OR6C3: variants seen among roughly 807,000 people sequenced by gnomAD.
The protein encoded by OR6C3 is olfactory receptor 6C3.
For synonymous variants in OR6C3, 177 were observed against 137.4 expected (o/e 1.29, Z -2.02); for missense variants, 487 against 364.6 (o/e 1.34, Z -2.73).
Position 55,332,168 on chromosome 12 carries a change from C to T in OR6C3, c.468C>T (p.Pro156=), listed in dbSNP as rs1250211491. Residue 156 remains proline (P), a synonymous_variant, in exon 2 of 2, where the codon CCC becomes CCT. Coordinates refer to ENST00000641740, the MANE Select transcript of OR6C3 (RefSeq NM_001388498.1). The part of the protein sequence containing the change: ...WLSGFLTIFP[P]LMLLLQLDYC... ...GTGGGTTTCTGACCATTTTCCCACC[C>T]CTTATGCTTCTCCTCCAGCTGGATT... 1.2e-6 allele frequency: 2 copies of T among 1,614,086 alleles called. No individual in the cohort carries two copies. Among genetic ancestry groups the T allele is most frequent in the Admixed American group, 1.7e-5 (1 of 60,000 alleles).
At position 55,331,987 on chromosome 12, in the gene OR6C3, C is replaced by G. The variant is rs201425211; in HGVS notation, c.287C>G (p.Ala96Gly). ...ACTATTTCCTATAACAACTGTGCAG[C>G]CCAACTCTTTTTCTTTATCTTCATG... is the stretch of plus-strand genomic sequence containing the variant. Reference protein sequence around the residue: ...NKTISYNNCAAQLFFFIFMGV... With the variant: ...NKTISYNNCAGQLFFFIFMGV... Residue 96 changes from alanine (A) to glycine (G), a missense_variant, in exon 2 of 2, where the codon GCC becomes GGC. Ala to Gly is a moderately conservative substitution (Grantham distance 60). Coordinates refer to ENST00000641740, the MANE Select transcript of OR6C3 (RefSeq NM_001388498.1). The G allele has an allele frequency of 1.2e-6, 2 of 1,614,138 alleles. No individual in the cohort carries two copies. The highest frequency in any genetic ancestry group is 2.7e-5 in the African/African-American group (2 of 75,042).
intron 1 of OR6C3, 61 bp from the exon 2 acceptor site, chr12:55,331,596 G>C: frequency 1.4e-6 from 1 of 692,556 alleles, no homozygotes; most frequent in Non-Finnish European, 2.4e-6. Flanking sequence ...TATGGATCAT[G>C]ATGAATTATA....
Position 55,332,618 on chromosome 12 carries a change from GT to G in OR6C3, c.922del (p.Tyr308MetfsTer?). On this transcript the variant is annotated frameshift_variant, in exon 2 of 2. Coordinates refer to ENST00000641740, the MANE Select transcript of OR6C3 (RefSeq NM_001388498.1). LOFTEE classifies it high-confidence loss of function. ...TCAAAAATGTGGTCCACAAAGTTGT[GT>G]TTTATGCAAATCAATGAATTTTTGG... ...AFKNVVHKVV[F>X]YANQ 2 of 1,577,380 alleles carry G rather than the reference GT, an allele frequency of 1.3e-6. No individual in the cohort carries two copies. The highest frequency in any genetic ancestry group is 1.7e-6 in the Non-Finnish European group (2 of 1,167,720).
intron 1 of OR6C3, among the ~76,000 whole-genome samples, chr12:55,331,364 T>C (rs191808963): frequency 6.6e-6 from 1 of 152,180 alleles, no homozygotes. Context: ...AAAAAGATAA[T>C]GATATTTTGC....
rs771309358 is a variant in OR6C3 at position 55,332,416 on chromosome 12, C to G, written c.716C>G (p.Ser239Cys). 2.0e-5 allele frequency: 32 copies of G among 1,613,938 alleles called. No homozygotes were observed. Among genetic ancestry groups the G allele is most frequent in the Middle Eastern group, 1.6e-4 (1 of 6,062 alleles). Residue 239 changes from serine (S) to cysteine (C), a missense_variant, in exon 2 of 2, where the codon TCT becomes TGT. Coordinates refer to ENST00000641740, the MANE Select transcript of OR6C3 (RefSeq NM_001388498.1). ...SQRKKAFSTCSSHMIVISISY... is the reference protein window; with the variant it reads ...SQRKKAFSTCCSHMIVISISY... ...AGAAAAAAGGCTTTCTCCACTTGTT[C>G]TTCTCACATGATTGTCATTTCCATT...
intron 1 of OR6C3, among the ~76,000 whole-genome samples, chr12:55,331,035 T>A (rs1868822395): frequency 6.6e-6 from 1 of 151,926 alleles, no homozygotes; most frequent in Non-Finnish European, 1.5e-5. Context: ...TTACATTATT[T>A]ACTCTATCTT....
rs1352872534 is a variant in OR6C3, at chr12:55,331,947, A to G, written c.247A>G (p.Ile83Val). The G allele has an allele frequency of 1.9e-6, 3 of 1,614,162 alleles. No homozygotes were observed. Among genetic ancestry groups the G allele is most frequent in the Non-Finnish European group, 2.5e-6 (3 of 1,180,008 alleles). The change falls in exon 2 of 2, where the codon ATC becomes GTC. Residue 83 changes from isoleucine (I) to valine (V), a missense_variant. Transcript: ENST00000641740. ...CATCCCCAGATTTCTGGGGGCAATT[A>G]TCACCAGGAATAAGACTATTTCCTA... ...VCIPRFLGAI[I>V]TRNKTISYNN... is the part of the protein sequence containing the mutation.
At position 55,331,225 on chromosome 12, in the gene OR6C3, A is replaced by G. The variant is rs146613593; in HGVS notation, c.-45+418A>G. Reference sequence around the variant, plus strand: ...TAAAAAGAATAATGGGTTATTAACAATCTTCTAATTTTCACTTTTATCTTT... The same window carrying G: ...TAAAAAGAATAATGGGTTATTAACAGTCTTCTAATTTTCACTTTTATCTTT... On this transcript the variant is annotated intron_variant, in intron 1 of 1. Transcript: ENST00000641740. 4.8e-3 allele frequency among the ~76,000 whole-genome samples: 735 copies of G among 152,058 alleles called. 4 individuals are homozygous for G. The highest frequency in any genetic ancestry group is 0.011 in the South Asian group (52 of 4,826).
rs192004774 is a variant in OR6C3, at chr12:55,330,912, A to G, written c.-45+105A>G. ...ATTAAAATGTCTGTATGTAGAATAT[A>G]TATACACATTTCTTGTGAGTCATAG... On this transcript the variant is annotated intron_variant, in intron 1 of 1. Coordinates refer to ENST00000641740, the MANE Select transcript of OR6C3 (RefSeq NM_001388498.1). The G allele has an allele frequency of 7.9e-5, 12 of 152,222 alleles. No homozygotes were observed. The East Asian group carries it at 2.3e-3, about 29-fold the overall frequency. 9.4% of individuals were successfully genotyped at this position (152,222 alleles called of 1,614,324 possible).
At position 55,332,076 on chromosome 12, in the gene OR6C3, C is replaced by T; in HGVS notation, c.376C>T (p.Pro126Ser). The part of the protein sequence containing the change: ...SYDRYVAICK[P>S]LHYTSIMNRK... Reference sequence around the variant, plus strand: ...TGACCGCTATGTTGCCATCTGCAAGCCCCTTCATTACACATCCATCATGAA... The same window carrying T: ...TGACCGCTATGTTGCCATCTGCAAGTCCCTTCATTACACATCCATCATGAA... Residue 126 changes from proline (P) to serine (S), a missense_variant, in exon 2 of 2, where the codon CCC (proline) becomes TCC (serine). By Grantham distance (74) the Pro-to-Ser change is moderately conservative. Coordinates refer to ENST00000641740, the MANE Select transcript of OR6C3 (RefSeq NM_001388498.1). The T allele has an allele frequency of 2.5e-6, 4 of 1,614,128 alleles. No homozygotes were observed. The highest frequency in any genetic ancestry group is 3.4e-6 in the Non-Finnish European group (4 of 1,180,018).
upstream of OR6C3, chr12:55,330,159 A>G (rs534298399): frequency 2.0e-5 from 3 of 152,338 alleles, no homozygotes; most frequent in African/African-American, 7.2e-5. Context: ...TATTGTAGAT[A>G]TAAGTATGAC....
chr12:55,332,323 T>A lies in OR6C3; in HGVS notation c.623T>A (p.Leu208Ter). ...YFALVTLLFT[L>*]ALVILSYMYI... Reference sequence around the variant, plus strand: ...GCTTTGGTTACTTTGCTGTTCACTTTGGCATTAGTGATTTTATCTTACATG... The same window carrying A: ...GCTTTGGTTACTTTGCTGTTCACTTAGGCATTAGTGATTTTATCTTACATG... The change falls in exon 2 of 2, where the codon TTG (leucine) becomes TAG (stop). Residue 208 changes from leucine (L) to a stop codon, truncating the protein, a stop_gained. Coordinates refer to ENST00000641740, the MANE Select transcript of OR6C3 (RefSeq NM_001388498.1). LOFTEE classifies it low-confidence loss of function (END_TRUNC). 1.2e-6 allele frequency: 2 copies of A among 1,614,154 alleles called. No homozygotes were observed. Among genetic ancestry groups the A allele is most frequent in the Non-Finnish European group, 1.7e-6 (2 of 1,180,014 alleles).
intron 1 of OR6C3, 113 bp from the exon 2 acceptor site, chr12:55,331,544 C>T (rs1868846931): frequency 7.3e-6 from 4 of 546,958 alleles, no homozygotes; most frequent in South Asian, 3.5e-5. Flanking sequence ...ATAGTCAAAA[C>T]TGTCAGACTG....
chr12:55,331,754 T>C lies in OR6C3; in HGVS notation c.54T>C (p.Pro18=), dbSNP rs1186838193. Residue 18 remains proline, a synonymous_variant, in exon 2 of 2, where the codon CCT becomes CCC. Transcript: ENST00000641740. ...TCCTCCTGGGCCTTTCTGATGATCC[T>C]GACCTTCAGATTGTGATTTTTCTCT... ...EFVLLGLSDD[P]DLQIVIFLFL... is the part of the protein sequence containing the mutation. 1 of 1,613,910 alleles carries C rather than the reference T, an allele frequency of 6.2e-7. No homozygotes were observed. The highest frequency in any genetic ancestry group is 8.5e-7 in the Non-Finnish European group (1 of 1,179,790).
At position 55,331,861 on chromosome 12, in the gene OR6C3, C is replaced by T. The variant is rs1278008686; in HGVS notation, c.161C>T (p.Thr54Ile). 5.6e-6 allele frequency: 9 copies of T among 1,614,126 alleles called. No homozygotes were observed. The highest frequency in any genetic ancestry group is 5.9e-6 in the Non-Finnish European group (7 of 1,179,994). ...TLTFVDSHLQ[T>I]PMYFFLRNFS... ...ACCTTTGTGGACTCCCATCTGCAGA[C>T]ACCTATGTATTTCTTCCTCCGGAAC... Residue 54 changes from threonine to isoleucine, a missense_variant, in exon 2 of 2, where the codon ACA (threonine) becomes ATA (isoleucine). Coordinates refer to ENST00000641740, the MANE Select transcript of OR6C3 (RefSeq NM_001388498.1).
upstream of OR6C3, chr12:55,330,090 G>C (rs1000303231): frequency 6.6e-6 from 1 of 152,132 alleles, no homozygotes; most frequent in Non-Finnish European, 1.5e-5. Context: ...ATGTGGCCTG[G>C]ACTTTGCTTT....
chr12:55,332,089 C>T lies in OR6C3; in HGVS notation c.389C>T (p.Thr130Ile), dbSNP rs770316619. Residue 130 changes from threonine to isoleucine, a missense_variant, in exon 2 of 2, where the codon ACA (threonine) becomes ATA (isoleucine). Coordinates refer to ENST00000641740, the MANE Select transcript of OR6C3 (RefSeq NM_001388498.1). The stretch of plus-strand genomic sequence containing the variant: ...GCCATCTGCAAGCCCCTTCATTACA[C>T]ATCCATCATGAACAGGAAACTCTGC... ...YVAICKPLHY[T>I]SIMNRKLCTL... The T allele has an allele frequency of 6.2e-7, 1 of 1,614,154 alleles. No homozygotes were observed. The highest frequency in any genetic ancestry group is 1.7e-5 in the Admixed American group (1 of 60,012).
chr12:55,332,318 C>T lies in OR6C3; in HGVS notation c.618C>T (p.Phe206=), dbSNP rs769792286. 10 of 1,614,050 alleles carry T rather than the reference C, an allele frequency of 6.2e-6. No homozygotes were observed. Among genetic ancestry groups the T allele is most frequent in the Non-Finnish European group, 6.8e-6 (8 of 1,180,004 alleles). ...ACTTTGCTTTGGTTACTTTGCTGTTCACTTTGGCATTAGTGATTTTATCTT... is the reference window on the plus strand; with the variant it reads ...ACTTTGCTTTGGTTACTTTGCTGTTTACTTTGGCATTAGTGATTTTATCTT... ...GFYFALVTLL[F]TLALVILSYM... is the part of the protein sequence containing the mutation. Residue 206 remains phenylalanine, a synonymous_variant, in exon 2 of 2, where the codon TTC becomes TTT. Coordinates refer to ENST00000641740, the MANE Select transcript of OR6C3 (RefSeq NM_001388498.1).
In OR6C3 at chr12:55,332,001, T is replaced by G; in HGVS notation, c.301T>G (p.Phe101Val). Residue 101 changes from phenylalanine to valine, a missense_variant, in exon 2 of 2, where the codon TTT becomes GTT. Coordinates refer to ENST00000641740, the MANE Select transcript of OR6C3 (RefSeq NM_001388498.1). ...YNNCAAQLFF[F>V]IFMGVTEFYI... ...CAACTGTGCAGCCCAACTCTTTTTC[T>G]TTATCTTCATGGGGGTGACTGAATT... The G allele has an allele frequency of 6.2e-7, 1 of 1,614,198 alleles. No homozygotes were observed. The highest frequency in any genetic ancestry group is 8.5e-7 in the Non-Finnish European group (1 of 1,180,026).
Sources: gnomAD v4.1 joint callset for allele counts (sites outside exome capture counted in the v4.1 genomes callset) on GRCh38, gnomAD v4.1.1 for gene constraint, MANE v1.5 for transcripts, NCBI Gene and HGNC (gene_info 2026-07-23, HGNC 2026-07-21) for gene names.